OSBPL1A: variants seen among roughly 807,000 people sequenced by gnomAD.
OSBPL1A encodes the protein oxysterol binding protein like 1A, also known as oxysterol-binding protein-related protein 1.
Under a neutral mutation model 137.1 loss-of-function variants are expected in OSBPL1A, and 80 were observed. The observed-to-expected ratio is 0.58, with a 90% confidence interval of 0.49 to 0.70. The LOEUF is 0.70. Ranked by LOEUF, OSBPL1A falls within the 30% of genes least tolerant of loss-of-function variation. The probability of loss-of-function intolerance (pLI) is 0.00; values close to 1 mark genes in which losing one functional copy is unlikely to be tolerated. For missense variants in OSBPL1A, 970 were observed against 1,129.4 expected (o/e 0.86, Z 2.02); for synonymous variants, 365 against 389.7 (o/e 0.94, Z 0.75).
At chr18:24,177,343 T>C (rs1226389782) in intron 21 of OSBPL1A, among the ~76,000 whole-genome samples, 1 of 152,234 alleles carries the variant, frequency 6.6e-6, no homozygotes, top group Non-Finnish European at 1.5e-5. Context: ...TAATCCCCAG[T>C]TCTGCAATTT....
chr18:24,198,707 T>C (rs1358526209), intron 17 of OSBPL1A, among the ~76,000 whole-genome samples: 1 of 151,922 alleles, frequency 6.6e-6, no homozygotes, highest in African/African-American at 2.4e-5. Context: ...TCTCAGTTGC[T>C]GACCACAGTC....
At position 24,172,358 on chromosome 18, in the gene OSBPL1A, G is replaced by A; in HGVS notation, c.2201+18C>T. On this transcript the variant is annotated intron_variant, in intron 22 of 27. Transcript: ENST00000319481. The stretch of plus-strand genomic sequence containing the variant: ...GATGAAAACTGAAGGAATGGACGAA[G>A]TACCCAAGGTGCCTTACTTGTGGTT... 2 of 1,566,090 alleles carry A rather than the reference G, an allele frequency of 1.3e-6. No individual in the cohort carries two copies. Among genetic ancestry groups the A allele is most frequent in the Non-Finnish European group, 1.8e-6 (2 of 1,137,648 alleles).
At chr18:24,330,390 T>G (rs914605385) in intron 7 of OSBPL1A, among the ~76,000 whole-genome samples, 1 of 152,188 alleles carries the variant, frequency 6.6e-6, no homozygotes, top group Non-Finnish European at 1.5e-5. Flanking sequence ...ATAATGGTAT[T>G]GTTATTAACT....
At chr18:24,313,644 T>A (rs1191355522) in intron 12 of OSBPL1A, among the ~76,000 whole-genome samples, 1 of 152,158 alleles carries the variant, frequency 6.6e-6, no homozygotes, top group African/African-American at 2.4e-5. Flanking sequence ...AATCTTTAGT[T>A]TCCTCACCTA....
chr18:24,303,624 C>T lies in OSBPL1A; in HGVS notation c.1174+13G>A. ...TTAAAGAGTGATTGTAGGGATAGTG[C>T]TTGTCTTTTTACCTTTAGCCATGTC... On this transcript the variant is annotated intron_variant, in intron 14 of 27. Coordinates refer to ENST00000319481, the MANE Select transcript of OSBPL1A (RefSeq NM_080597.4). 6.2e-7 allele frequency: 1 copy of T among 1,602,700 alleles called. No individual in the cohort carries two copies. The highest frequency in any genetic ancestry group is 8.5e-7 in the Non-Finnish European group (1 of 1,170,178).
chr18:24,356,276 G>A (rs2091533542), intron 4 of OSBPL1A, among the ~76,000 whole-genome samples: 1 of 152,130 alleles, frequency 6.6e-6, no homozygotes, highest in Non-Finnish European at 1.5e-5. Context: ...GATCCTCCAG[G>A]GAAAGATTCT....
In OSBPL1A at chr18:24,239,733, A is replaced by T. The variant is rs190037050; in HGVS notation, c.1282-351T>A. 5.3e-5 allele frequency among the ~76,000 whole-genome samples: 8 copies of T among 152,096 alleles called. No individual in the cohort carries two copies. In the East Asian group the frequency reaches 1.5e-3, roughly 29 times the overall value. ...TCTCTCAACATTAAGTACACAGTTA[A>T]AAAAAACAGTTTCAGCAAGTCTTGG... is the stretch of plus-strand genomic sequence containing the variant. On this transcript the variant is annotated intron_variant, in intron 15 of 27. Coordinates refer to ENST00000319481, the MANE Select transcript of OSBPL1A (RefSeq NM_080597.4).
chr18:24,269,885 C>CACACACA (rs375934061), intron 15 of OSBPL1A, among the ~76,000 whole-genome samples: 27 of 151,322 alleles, frequency 1.8e-4, no homozygotes, highest in Non-Finnish European at 3.0e-4. Context: ...CACACACACA[C>CACACACA]CATGCTAATT....
intron 17 of OSBPL1A, among the ~76,000 whole-genome samples, chr18:24,207,659 C>A (rs1482775756): frequency 6.6e-6 from 1 of 152,172 alleles, no homozygotes; most frequent in Non-Finnish European, 1.5e-5. Context: ...TGTATGTATA[C>A]ATGTATACTG....
At chr18:24,227,542 GAA>G (rs1005936244) in intron 16 of OSBPL1A, among the ~76,000 whole-genome samples, 3 of 152,216 alleles carry the variant, frequency 2.0e-5, no homozygotes, top group Admixed American at 2.0e-4. Flanking sequence ...TACAATGACA[GAA>G]GTTTGTTTAG....
intron 16 of OSBPL1A, among the ~76,000 whole-genome samples, chr18:24,231,104 A>G (rs1266750931): frequency 6.6e-6 from 1 of 152,204 alleles, no homozygotes; most frequent in Non-Finnish European, 1.5e-5. Context: ...AAGTGTCAGA[A>G]TAACACCTTG....
At position 24,295,355 on chromosome 18, in the gene OSBPL1A, C is replaced by T. The variant is rs938054463; in HGVS notation, c.1174+8282G>A. 3.9e-5 allele frequency among the ~76,000 whole-genome samples: 6 copies of T among 152,252 alleles called. No homozygotes were observed. In the East Asian group the frequency reaches 7.7e-4, roughly 20 times the overall value. Reference sequence around the variant, plus strand: ...CATAGTTTGCATATTTTCTCCCATTCTCTGGTTGTCTATTTATTCTGCTGA... The same window carrying T: ...CATAGTTTGCATATTTTCTCCCATTTTCTGGTTGTCTATTTATTCTGCTGA... On this transcript the variant is annotated intron_variant, in intron 14 of 27. Coordinates refer to ENST00000319481, the MANE Select transcript of OSBPL1A (RefSeq NM_080597.4).
intron 4 of OSBPL1A, among the ~76,000 whole-genome samples, chr18:24,361,898 G>A (rs1041160189): frequency 6.6e-5 from 10 of 151,126 alleles, no homozygotes; most frequent in Non-Finnish European, 1.2e-4. Flanking sequence ...TCAGGAGGCT[G>A]AGGCAGGAGA....
At position 24,225,168 on chromosome 18, in the gene OSBPL1A, A is replaced by C; in HGVS notation, c.1475T>G (p.Leu492Trp). Residue 492 changes from leucine to tryptophan, a missense_variant, in exon 17 of 28, where the codon TTG becomes TGG. By Grantham distance (61) the Leu-to-Trp change is moderately conservative (BLOSUM62 -2). Coordinates refer to ENST00000319481, the MANE Select transcript of OSBPL1A (RefSeq NM_080597.4). ...AAAGGAGCGTGCTGTCACTGCTTCC[A>C]ATCTACTCAGGGACCTTTCGGACTC... ...DSESERSLSRLEAVTARSFEE... is the reference protein window; with the variant it reads ...DSESERSLSRWEAVTARSFEE... 1 of 1,614,110 alleles carries C rather than the reference A, an allele frequency of 6.2e-7. No individual in the cohort carries two copies.
intron 13 of OSBPL1A, among the ~76,000 whole-genome samples, chr18:24,310,558 C>T (rs1448500585): frequency 7.0e-6 from 1 of 143,200 alleles, no homozygotes; most frequent in African/African-American, 2.6e-5. Context: ...GCCGAGATCG[C>T]GCCACTGAAC....
chr18:24,245,097 A>T (rs1381117297), intron 15 of OSBPL1A, among the ~76,000 whole-genome samples: 1 of 147,928 alleles, frequency 6.8e-6, no homozygotes, highest in African/African-American at 2.5e-5. Flanking sequence ...AAATATTAGA[A>T]TTTTTTTTTT....
chr18:24,272,119 C>G (rs2089738383), intron 15 of OSBPL1A: 1 of 983,640 alleles, frequency 1.0e-6, no homozygotes, highest in African/African-American at 1.8e-5. Flanking sequence ...GCACGGCCCT[C>G]CGAGGAGAGG....
intron 14 of OSBPL1A, among the ~76,000 whole-genome samples, chr18:24,284,224 A>T (rs199690344): frequency 8.5e-5 from 11 of 129,304 alleles, no homozygotes; most frequent in East Asian, 2.0e-4. Flanking sequence ...AATGTTACAT[A>T]AAAAAAAAAT....
intron 4 of OSBPL1A, among the ~76,000 whole-genome samples, chr18:24,366,066 G>A (rs1280597912): frequency 6.6e-6 from 1 of 152,174 alleles, no homozygotes; most frequent in Admixed American, 6.5e-5. Flanking sequence ...GCTTCTGACT[G>A]ATGGTCTTTA....
Sources: allele counts gnomAD v4.1 joint callset (sites outside exome capture counted in the v4.1 genomes callset), GRCh38; gene constraint gnomAD v4.1.1; transcripts MANE v1.5; gene names NCBI Gene and HGNC (gene_info 2026-07-23, HGNC 2026-07-21).